The following ENG variants were observed in gnomAD, a reference collection of about 807,000 sequenced individuals.
The protein encoded by ENG is CD105 antigen.
Under a neutral mutation model 71.0 loss-of-function variants are expected in ENG, and 17 were observed. The observed-to-expected ratio is 0.24, with a 90% CI of 0.16 to 0.36. The LOEUF (loss-of-function observed/expected upper bound fraction) is 0.36, where lower values mean the gene tolerates loss of function less well. ENG is among the 10% of genes least tolerant of loss of function. The pLI, the probability that ENG is intolerant of heterozygous loss-of-function variation, is 1.00. For missense variants in ENG, 749 were observed against 868.3 expected (o/e 0.86, Z 1.73); for synonymous variants, 360 against 366.9 (o/e 0.98, Z 0.21).
chr9:127,833,120 T>C (rs1415956913), intron 2 of ENG, among the ~76,000 whole-genome samples: 2 of 152,220 alleles, frequency 1.3e-5, no homozygotes, highest in Admixed American at 6.5e-5. Flanking sequence ...TTTCTAACCT[T>C]ATTCCCAAGA....
chr9:127,843,729 CCA>C lies in ENG; in HGVS notation c.68-486_68-485del, dbSNP rs1229688045. Among the ~76,000 whole-genome samples, 300 of 52,454 alleles carry C rather than the reference CCA, an allele frequency of 5.7e-3. 4 individuals carry two copies. Among genetic ancestry groups the C allele is most frequent in the African/African-American group, 0.022 (287 of 12,756 alleles). The allele number at this position is 52,454 out of a possible 152,430, so 34.4% of individuals were successfully genotyped here. A position where few individuals can be genotyped will look rare whatever the true frequency, so the allele number is the denominator to read the frequency against. ...GATATACATATATACACCCACACAT[CCA>C]CATACATATATATATATATATATAT... On this transcript the variant is annotated intron_variant, in intron 1 of 14. Coordinates refer to ENST00000373203, the MANE Select transcript of ENG (RefSeq NM_001114753.3).
At position 127,818,391 on chromosome 9, in the gene ENG, TA is replaced by T; in HGVS notation, c.1429-15del. 1.2e-6 allele frequency: 2 copies of T among 1,612,562 alleles called. No individual in the cohort carries two copies. Among genetic ancestry groups the T allele is most frequent in the Non-Finnish European group, 1.7e-6 (2 of 1,179,962 alleles). ...GGACACTCTGACCTGCATGGGTAGGTAGGGCCACGCGGCATGGGCAGCTGCT... is the reference window on the plus strand; with the variant it reads ...GGACACTCTGACCTGCATGGGTAGGTGGGCCACGCGGCATGGGCAGCTGCT... On this transcript the variant is annotated splice_polypyrimidine_tract_variant and intron_variant, in intron 11 of 14. Coordinates refer to ENST00000373203, the MANE Select transcript of ENG (RefSeq NM_001114753.3).
In ENG at chr9:127,815,692, C is replaced by A; in HGVS notation, c.1967G>T (p.Ser656Ile). ...CGCGGGGGGCCGGGGCTATGCCATG[C>A]TGCTGGTGGAGCAGGGGGTGCTCTG... is the stretch of plus-strand genomic sequence containing the variant. Reference protein sequence around the residue: ...STQSTPCSTSSMA With the variant: ...STQSTPCSTSIMA The change falls in exon 15 of 15, where the codon AGC becomes ATC. Residue 656 changes from serine (S) to isoleucine (I), a missense_variant. Ser to Ile is a moderately radical substitution (Grantham distance 142). Transcript: ENST00000373203. 1.3e-6 allele frequency: 2 copies of A among 1,563,916 alleles called. No homozygotes were observed. Among genetic ancestry groups the A allele is most frequent in the Non-Finnish European group, 1.7e-6 (2 of 1,161,358 alleles).
chr9:127,854,324 G>A lies in ENG; in HGVS notation c.32C>T (p.Ala11Val), dbSNP rs1260757465. 1.9e-6 allele frequency: 3 copies of A among 1,595,952 alleles called. No individual in the cohort carries two copies. Among genetic ancestry groups the A allele is most frequent in the East Asian group, 2.3e-5 (1 of 43,860 alleles). MDRGTLPLAV[A>V]LLLASCSLSP... The stretch of plus-strand genomic sequence containing the variant: ...GAGGCTGCAGCTGGCCAGCAGCAGG[G>A]CAACAGCCAGAGGGAGCGTGCCGCG... The change falls in exon 1 of 15, where the codon GCC becomes GTC. Residue 11 changes from alanine (A) to valine (V), a missense_variant. Coordinates refer to ENST00000373203, the MANE Select transcript of ENG (RefSeq NM_001114753.3).
chr9:127,841,218 A>G (rs1564461961), intron 2 of ENG: 1 of 152,284 alleles, frequency 6.6e-6, no homozygotes. Context: ...TGTGGCCGTA[A>G]CAAGCCATGC....
chr9:127,826,375 C>T (rs1830614754), intron 4 of ENG, 135 bp downstream of exon 4: 1 of 1,156,474 alleles, frequency 8.6e-7, no homozygotes, highest in Non-Finnish European at 1.2e-6. Flanking sequence ...GCAGCACTGG[C>T]TTGTGGCATG....
Position 127,824,947 on chromosome 9 carries a change from A to C in ENG, c.844T>G (p.Phe282Val). 2 of 1,613,882 alleles carry C rather than the reference A, an allele frequency of 1.2e-6. No homozygotes were observed. The highest frequency in any genetic ancestry group is 1.7e-6 in the Non-Finnish European group (2 of 1,179,982). The part of the protein sequence containing the change: ...WTTGEYSFKI[F>V]PEKNIRGFKL... ...AAGCCACGAATGTTTTTCTCTGGAA[A>C]GATCTTGAAGGAGTATTCTCCAGTG... Residue 282 changes from phenylalanine to valine, a missense_variant, in exon 7 of 15, where the codon TTT (phenylalanine) becomes GTT (valine). Physicochemically the swap from Phe to Val is conservative, Grantham distance 50 (BLOSUM62 -1). Transcript: ENST00000373203.
intron 8 of ENG, among the ~76,000 whole-genome samples, 173 bp from the exon 9 acceptor site, chr9:127,820,210 T>C (rs1830438253): frequency 6.6e-6 from 1 of 152,164 alleles, no homozygotes; most frequent in African/African-American, 2.4e-5. Context: ...TAAAAGTTCT[T>C]TTTTTTGAGA....
intron 2 of ENG, among the ~76,000 whole-genome samples, chr9:127,842,193 G>T (rs1371698061): frequency 6.6e-6 from 1 of 150,808 alleles, no homozygotes; most frequent in Non-Finnish European, 1.5e-5. Flanking sequence ...AAAGATCTGG[G>T]CTCAACTGAA....
At chr9:127,833,048 C>T (rs1028402432) in intron 2 of ENG, among the ~76,000 whole-genome samples, 1 of 152,208 alleles carries the variant, frequency 6.6e-6, no homozygotes, top group Non-Finnish European at 1.5e-5. Context: ...TGAGCCACTG[C>T]ACCCGGCCGC....
chr9:127,853,363 C>T (rs1419190699), intron 1 of ENG, among the ~76,000 whole-genome samples: 1 of 152,168 alleles, frequency 6.6e-6, no homozygotes, highest in Non-Finnish European at 1.5e-5. Flanking sequence ...GTCAGGAAGC[C>T]CCTGGATGCA....
At chr9:127,824,198 G>GA in intron 8 of ENG, 106 bp downstream of exon 8, 1 of 1,517,544 alleles carries the variant, frequency 6.6e-7, no homozygotes, top group South Asian at 1.1e-5. Context: ...CTTGCAGAGG[G>GA]ACGTGACTTG....
At chr9:127,845,979 A>G (rs1000846307) in intron 1 of ENG, among the ~76,000 whole-genome samples, 1 of 152,194 alleles carries the variant, frequency 6.6e-6, no homozygotes, top group African/African-American at 2.4e-5. Flanking sequence ...AAGTGCTAGG[A>G]TTACAGGTGT....
chr9:127,819,652 G>T lies in ENG; in HGVS notation c.1281C>A (p.Val427=). Reference sequence around the variant, plus strand: ...GTGGTGATGAGCTCGACAGGATATTGACCACCGCCTGCGGGGATAAAGCCA... The same window carrying T: ...GTGGTGATGAGCTCGACAGGATATTTACCACCGCCTGCGGGGATAAAGCCA... ...SASMISNEAV[V]NILSSSSPQR... Residue 427 remains valine (V), a synonymous_variant, in exon 10 of 15, where the codon GTC becomes GTA. Transcript: ENST00000373203. 2 of 1,611,164 alleles carry T rather than the reference G, an allele frequency of 1.2e-6. No individual in the cohort carries two copies. Among genetic ancestry groups the T allele is most frequent in the South Asian group, 2.2e-5 (2 of 90,346 alleles).
rs1233627568 is a variant in ENG, at chr9:127,825,839, CAGA to C, written c.542_544del (p.Phe181del). ...CATGTCCTGGCTGGCTTCCAGCATGCAGAAGGACAGTGACCCCTGGGCTGCAGA... is the reference window on the plus strand; with the variant it reads ...CATGTCCTGGCTGGCTTCCAGCATGCAGGACAGTGACCCCTGGGCTGCAGA... On this transcript the variant is annotated inframe_deletion, in exon 5 of 15. Coordinates refer to ENST00000373203, the MANE Select transcript of ENG (RefSeq NM_001114753.3). 4 of 1,595,668 alleles carry C rather than the reference CAGA, an allele frequency of 2.5e-6. No individual in the cohort carries two copies. The African/African-American group carries it at 4.0e-5, about 16-fold the overall frequency.
chr9:127,820,888 A>G (rs1274397225), intron 8 of ENG, among the ~76,000 whole-genome samples: 1 of 152,092 alleles, frequency 6.6e-6, no homozygotes, highest in Non-Finnish European at 1.5e-5. Flanking sequence ...CATCACTCAC[A>G]GCCCCAAGGG....
chr9:127,832,404 G>A (rs1445951193), intron 2 of ENG, among the ~76,000 whole-genome samples: 1 of 152,150 alleles, frequency 6.6e-6, no homozygotes, highest in Non-Finnish European at 1.5e-5. Context: ...ACAGATGAGG[G>A]AACCAAGACC....
chr9:127,816,118 C>T (rs891630748), intron 13 of ENG, 65 bp from the exon 14 acceptor site: 1 of 1,563,650 alleles, frequency 6.4e-7, no homozygotes, highest in Non-Finnish European at 8.7e-7. Flanking sequence ...CCCTGTTGTG[C>T]TGGCCCATGT....
intron 1 of ENG, among the ~76,000 whole-genome samples, 181 bp downstream of exon 1, chr9:127,854,108 A>G (rs1406767335): frequency 6.6e-6 from 1 of 152,218 alleles, no homozygotes; most frequent in Non-Finnish European, 1.5e-5. Flanking sequence ...TTCTTTCAAC[A>G]CTGAAAGTCC....
Sources: allele counts gnomAD v4.1 joint callset (sites outside exome capture counted in the v4.1 genomes callset), GRCh38; gene constraint gnomAD v4.1.1; transcripts MANE v1.5; gene names NCBI Gene and HGNC (gene_info 2026-07-23, HGNC 2026-07-21).